SNX24: variants seen among roughly 807,000 people sequenced by gnomAD.
The protein encoded by SNX24 is sorting nexin 24, also known as sorting nexin-24.
A neutral mutation model predicts 28.7 loss-of-function variants in SNX24; 22 were observed. The observed-to-expected ratio is 0.77, with a 90% CI of 0.55 to 1.10. The LOEUF is 1.10. Among genes scored for constraint, SNX24 ranks in the 50% least tolerant of loss-of-function variants. The pLI is 0.00. For missense variants in SNX24, 221 were observed against 201.1 expected, an observed-to-expected ratio of 1.10 and a Z score of -0.60; for synonymous variants, 69 against 71.5, an observed-to-expected ratio of 0.96 and a Z score of 0.18.
At chr5:122,863,539 T>C (rs1197465059) in intron 1 of SNX24, among the ~76,000 whole-genome samples, 6 of 151,404 alleles carry the variant, frequency 4.0e-5, no homozygotes, top group Non-Finnish European at 5.9e-5. Flanking sequence ...TTTTTTTTTT[T>C]TGAGGTGGGA....
At chr5:122,981,076 T>C (rs1019661695) in intron 3 of SNX24, among the ~76,000 whole-genome samples, 4 of 152,180 alleles carry the variant, frequency 2.6e-5, no homozygotes, top group African/African-American at 9.7e-5. Context: ...AAAGTATTGA[T>C]TGTGAAAATA....
At chr5:122,847,081 A>G (rs896792330) in intron 1 of SNX24, among the ~76,000 whole-genome samples, 1 of 151,818 alleles carries the variant, frequency 6.6e-6, no homozygotes, top group Non-Finnish European at 1.5e-5. Context: ...AGGGCTTACC[A>G]TCTTTGGGAC....
intron 2 of SNX24, 151 bp from the exon 3 acceptor site, chr5:122,945,904 T>C (rs1759660468): frequency 2.1e-6 from 1 of 484,712 alleles, no homozygotes; most frequent in Admixed American, 3.8e-5. Context: ...TTGACAAAAT[T>C]GCAGTGTAAT....
intron 1 of SNX24, among the ~76,000 whole-genome samples, chr5:122,892,437 AT>A (rs1297501844): frequency 6.6e-6 from 1 of 151,774 alleles, no homozygotes; most frequent in African/African-American, 2.4e-5. Context: ...AAATTTATTT[AT>A]TTTTTATTTT....
At chr5:122,863,074 T>C (rs560411185) in intron 1 of SNX24, among the ~76,000 whole-genome samples, 42 of 152,328 alleles carry the variant, frequency 2.8e-4, no homozygotes, top group African/African-American at 1.0e-3. Flanking sequence ...TTCTCTACCT[T>C]CAAGGAGCTT....
chr5:122,940,025 T>G (rs1325966036), intron 2 of SNX24, among the ~76,000 whole-genome samples: 2 of 151,626 alleles, frequency 1.3e-5, no homozygotes, highest in African/African-American at 2.4e-5. Context: ...AGTCTCGCTC[T>G]TTTGCCCAGG....
chr5:122,978,965 G>T (rs569278907), intron 3 of SNX24, among the ~76,000 whole-genome samples: 3 of 152,156 alleles, frequency 2.0e-5, no homozygotes, highest in African/African-American at 7.2e-5. Flanking sequence ...TAACATTCAA[G>T]CCTGTTGATG....
rs57930558 is a variant in SNX24, at chr5:122,932,858, C to CAAAAAAAAAAAA, written c.61-3861_61-3850dup. 4.9e-4 allele frequency among the ~76,000 whole-genome samples: 43 copies of CAAAAAAAAAAAA among 87,982 alleles called. 2 individuals are homozygous for CAAAAAAAAAAAA. The highest frequency in any genetic ancestry group is 5.9e-4 in the Non-Finnish European group (27 of 45,954). 57.7% of individuals were successfully genotyped at this position (87,982 alleles called of 152,430 possible). On this transcript the variant is annotated intron_variant, in intron 1 of 6. Transcript: ENST00000261369. ...GGGGCGACAGAGCAAGACTCTGTCT[C>CAAAAAAAAAAAA]AAAAAAAAAAAAAAAAAAAAAAAAA...
rs1251218855 is a variant in SNX24 at position 122,959,987 on chromosome 5, C to T, written c.249+13828C>T. Among the ~76,000 whole-genome samples, 3 of 152,078 alleles carry T rather than the reference C, an allele frequency of 2.0e-5. No individual in the cohort carries two copies. In the East Asian group the frequency reaches 5.8e-4, roughly 29 times the overall value. On this transcript the variant is annotated intron_variant, in intron 3 of 6. Transcript: ENST00000261369. ...CAAACACCCCTGTTGTTTAAGAAAACATTTTCCTCCGAAGTAGGCTGCCTT... is the reference window on the plus strand; with the variant it reads ...CAAACACCCCTGTTGTTTAAGAAAATATTTTCCTCCGAAGTAGGCTGCCTT...
rs564398009 is a variant in SNX24, at chr5:122,863,243, G to A, written c.60+17550G>A. 5.3e-5 allele frequency among the ~76,000 whole-genome samples: 8 copies of A among 152,210 alleles called. No individual in the cohort carries two copies. The East Asian group carries it at 9.7e-4, about 18-fold the overall frequency. ...TCCCTGGGAAGGCAACATTGGAACCGGGACCTGAAGGAGGTGAGGGGGTGA... is the reference window on the plus strand; with the variant it reads ...TCCCTGGGAAGGCAACATTGGAACCAGGACCTGAAGGAGGTGAGGGGGTGA... On this transcript the variant is annotated intron_variant, in intron 1 of 6. Transcript: ENST00000261369.
rs1761140761 is a variant in SNX24, at chr5:122,975,833, C to T, written c.250-24079C>T. Reference sequence around the variant, plus strand: ...AAGATTAAAACAAAACATTTGTGCCCATCATTGGTAAGGGTACAAAGGAAT... The same window carrying T: ...AAGATTAAAACAAAACATTTGTGCCTATCATTGGTAAGGGTACAAAGGAAT... On this transcript the variant is annotated intron_variant, in intron 3 of 6. Coordinates refer to ENST00000261369, the MANE Select transcript of SNX24 (RefSeq NM_014035.4). Among the ~76,000 whole-genome samples, 2 of 152,112 alleles carry T rather than the reference C, an allele frequency of 1.3e-5. 1 individual carries two copies. The highest frequency in any genetic ancestry group is 4.1e-4 in the South Asian group (2 of 4,824).
chr5:123,002,723 T>A (rs1199597291), intron 6 of SNX24, among the ~76,000 whole-genome samples: 1 of 152,282 alleles, frequency 6.6e-6, no homozygotes, highest in East Asian at 1.9e-4. Flanking sequence ...ATATTTTAAA[T>A]ACAATTAATT....
At chr5:122,970,598 A>G (rs938695899) in intron 3 of SNX24, among the ~76,000 whole-genome samples, 2 of 152,134 alleles carry the variant, frequency 1.3e-5, no homozygotes, top group African/African-American at 4.8e-5. Flanking sequence ...CCTCCCGAGT[A>G]GCTGGGACTA....
At chr5:122,996,314 C>T (rs554843678) in intron 3 of SNX24, among the ~76,000 whole-genome samples, 5 of 152,242 alleles carry the variant, frequency 3.3e-5, no homozygotes, top group Admixed American at 6.5e-5. Flanking sequence ...GGCTCCAGGC[C>T]AAAGAAAAGT....
intron 5 of SNX24, chr5:123,023,997 C>T: frequency 6.2e-7 from 1 of 1,612,506 alleles, no homozygotes; most frequent in South Asian, 1.1e-5. Context: ...ATGGAGTGCA[C>T]CACTGTCTGG....
At chr5:122,906,884 G>C (rs1757665708) in intron 1 of SNX24, among the ~76,000 whole-genome samples, 1 of 151,910 alleles carries the variant, frequency 6.6e-6, no homozygotes, top group Non-Finnish European at 1.5e-5. Flanking sequence ...CAGAGTAAGT[G>C]ACAGGGGCAG....
chr5:123,024,258 T>C (rs1188037031), intron 5 of SNX24, among the ~76,000 whole-genome samples: 1 of 152,240 alleles, frequency 6.6e-6, no homozygotes, highest in Non-Finnish European at 1.5e-5. Flanking sequence ...GTATATTTCC[T>C]CACTTCTTTT....
At chr5:122,973,701 C>T (rs1761050601) in intron 3 of SNX24, among the ~76,000 whole-genome samples, 1 of 152,186 alleles carries the variant, frequency 6.6e-6, no homozygotes, top group Admixed American at 6.5e-5. Context: ...CAAAAAGCAT[C>T]CTGCTCGTGA....
intron 6 of SNX24, among the ~76,000 whole-genome samples, chr5:123,006,884 A>C (rs1206080612): frequency 1.3e-5 from 2 of 152,122 alleles, no homozygotes; most frequent in Non-Finnish European, 2.9e-5. Flanking sequence ...TTTTTTCTTA[A>C]AATATTGGAC....
Sources: allele counts gnomAD v4.1 joint callset (sites outside exome capture counted in the v4.1 genomes callset), GRCh38; gene constraint gnomAD v4.1.1; transcripts MANE v1.5; gene names NCBI Gene and HGNC (gene_info 2026-07-23, HGNC 2026-07-21).